Variants in CCNL2 observed in about 807,000 individuals in gnomAD.
CCNL2 encodes cyclin-L2.
CCNL2 carries 28 observed loss-of-function variants against 59.1 expected under a neutral mutation model. The ratio of observed to expected loss-of-function variants is 0.47; its 90% CI spans 0.35 to 0.65. The LOEUF (loss-of-function observed/expected upper bound fraction) is 0.65. Among genes scored for constraint, CCNL2 ranks in the 30% least tolerant of loss-of-function variants. CCNL2 has a pLI of 0.00. For missense variants in CCNL2, 714 were observed against 717.4 expected (o/e 1.00, Z 0.05); for synonymous variants, 342 against 288.6 (o/e 1.19, Z -1.88).
At chr1:1,394,627 G>A (rs1468494754) in intron 4 of CCNL2, among the ~76,000 whole-genome samples, 1 of 151,986 alleles carries the variant, frequency 6.6e-6, no homozygotes, top group African/African-American at 2.4e-5. Flanking sequence ...GCGCATGCCT[G>A]TAATCCCAGC....
intron 1 of CCNL2, 32 bp downstream of exon 1, chr1:1,398,987 C>G: frequency 6.4e-7 from 1 of 1,567,726 alleles, no homozygotes; most frequent in Non-Finnish European, 8.6e-7. Flanking sequence ...CCAGCGGTTA[C>G]CTGGGCCGGA....
intron 3 of CCNL2, among the ~76,000 whole-genome samples, chr1:1,395,748 T>C (rs532506273): frequency 6.6e-6 from 1 of 152,302 alleles, no homozygotes; most frequent in African/African-American, 2.4e-5. Flanking sequence ...CAACAGCTTC[T>C]GGTGCACAAG....
chr1:1,388,142 A>G (rs1644560614), intron 8 of CCNL2, 77 bp from the exon 9 acceptor site: 3 of 1,198,078 alleles, frequency 2.5e-6, no homozygotes, highest in African/African-American at 1.5e-5. Flanking sequence ...GAGCGAGATA[A>G]GGCCCCTCTA....
Position 1,390,719 on chromosome 1 carries a change from G to T in CCNL2, c.759+47C>A, listed in dbSNP as rs1644719384. On this transcript the variant is annotated intron_variant, in intron 6 of 10. Transcript: ENST00000400809. The stretch of plus-strand genomic sequence containing the variant: ...ACAGTAAAGTTTACTGGAGGCTGGA[G>T]AAAAAAAAATCAGACTAGAATCTCT... The T allele has an allele frequency of 3.9e-6, 6 of 1,549,280 alleles. No homozygotes were observed. The East Asian group carries it at 1.4e-4, about 35-fold the overall frequency.
intron 2 of CCNL2, 81 bp downstream of exon 2, chr1:1,398,516 C>A: frequency 6.3e-7 from 1 of 1,578,442 alleles, no homozygotes; most frequent in Middle Eastern, 1.7e-4. Context: ...AGTACTCACT[C>A]CCTTAGTAAC....
In CCNL2 at chr1:1,390,746, C is replaced by A; in HGVS notation, c.759+20G>T. Reference sequence around the variant, plus strand: ...AAAAAAAATCAGACTAGAATCTCTCCATAGTAGCAACACACTGACCTCCAG... The same window carrying A: ...AAAAAAAATCAGACTAGAATCTCTCAATAGTAGCAACACACTGACCTCCAG... On this transcript the variant is annotated intron_variant, in intron 6 of 10. Coordinates refer to ENST00000400809, the MANE Select transcript of CCNL2 (RefSeq NM_030937.6). 2 of 1,606,702 alleles carry A rather than the reference C, an allele frequency of 1.2e-6. No individual in the cohort carries two copies. Among genetic ancestry groups the A allele is most frequent in the Non-Finnish European group, 1.7e-6 (2 of 1,173,334 alleles).
chr1:1,390,204 G>C, intron 8 of CCNL2, 26 bp downstream of exon 8: 1 of 1,581,536 alleles, frequency 6.3e-7, no homozygotes, highest in Non-Finnish European at 8.6e-7. Flanking sequence ...TGTGGGGAGT[G>C]GATTCCTGCA....
chr1:1,388,720 C>T (rs889642871), intron 8 of CCNL2: 6 of 399,878 alleles, frequency 1.5e-5, no homozygotes, highest in Non-Finnish European at 2.9e-5. Flanking sequence ...GCAGTGATCC[C>T]AGATAGCGCC....
Position 1,390,843 on chromosome 1 carries a change from G to A in CCNL2, c.682C>T (p.Arg228Cys). 1 of 1,614,094 alleles carries A rather than the reference G, an allele frequency of 6.2e-7. No homozygotes were observed. Among genetic ancestry groups the A allele is most frequent in the Non-Finnish European group, 8.5e-7 (1 of 1,179,984 alleles). Reference protein sequence around the residue: ...TSWNYMNDSLRTDVFVRFQPE... With the variant: ...TSWNYMNDSLCTDVFVRFQPE... Reference sequence around the variant, plus strand: ...TGGAACCGCACGAAGACGTCGGTGCGAAGGCTGTCGTTCATGTAATTCCTG... The same window carrying A: ...TGGAACCGCACGAAGACGTCGGTGCAAAGGCTGTCGTTCATGTAATTCCTG... The change falls in exon 6 of 11, where the codon CGC (arginine) becomes TGC (cysteine). Residue 228 changes from arginine to cysteine, a missense_variant. Physicochemically the swap from Arg to Cys is radical, Grantham distance 180 (BLOSUM62 -3). This residue lies in a region of CCNL2 where 19 missense variants were observed against 40.8 expected (regional missense o/e 0.47). Coordinates refer to ENST00000400809, the MANE Select transcript of CCNL2 (RefSeq NM_030937.6).
chr1:1,389,822 G>A (rs1374231844), intron 8 of CCNL2, among the ~76,000 whole-genome samples: 1 of 152,028 alleles, frequency 6.6e-6, no homozygotes, highest in Non-Finnish European at 1.5e-5. Flanking sequence ...AGCCAGGCGT[G>A]GTGGCGGCCA....
chr1:1,397,624 G>A (rs1262478288), intron 3 of CCNL2, among the ~76,000 whole-genome samples: 1 of 152,194 alleles, frequency 6.6e-6, no homozygotes, highest in Non-Finnish European at 1.5e-5. Context: ...TGCTTTGGGA[G>A]GCTAAGGCCA....
Position 1,385,919 on chromosome 1 carries a change from A to AC in CCNL2, c.*1311_*1312insG, listed in dbSNP as rs1644439501. 4 of 151,594 alleles carry AC rather than the reference A, an allele frequency of 2.6e-5. No homozygotes were observed. Among genetic ancestry groups the AC allele is most frequent in the Admixed American group, 2.6e-4 (4 of 15,218 alleles). 9.4% of individuals were successfully genotyped at this position (151,594 alleles called of 1,614,324 possible). The stretch of plus-strand genomic sequence containing the variant: ...GAGTCTCCTCAGTTCCCCAATTCTG[A>AC]GGGGGGGTCCCACCAGCTATCTAAT... On this transcript the variant is annotated 3_prime_UTR_variant, in exon 11 of 11. Coordinates refer to ENST00000400809, the MANE Select transcript of CCNL2 (RefSeq NM_030937.6).
At chr1:1,394,692 G>A (rs1469195055) in intron 4 of CCNL2, among the ~76,000 whole-genome samples, 1 of 147,564 alleles carries the variant, frequency 6.8e-6, no homozygotes, top group Admixed American at 6.8e-5. Context: ...AGAGGTTGCA[G>A]TGAGCCAAGA....
At chr1:1,398,949 C>T in intron 1 of CCNL2, 70 bp downstream of exon 1, 1 of 1,486,618 alleles carries the variant, frequency 6.7e-7, no homozygotes, top group Non-Finnish European at 8.9e-7. Flanking sequence ...GCGGGCCCGA[C>T]TCGCCGCCAA....
At chr1:1,392,372 CAG>C in intron 5 of CCNL2, 1 of 1,058,800 alleles carries the variant, frequency 9.4e-7, no homozygotes, top group Non-Finnish European at 1.1e-6. Flanking sequence ...CACCTTTTAC[CAG>C]AGCGTGTCAT....
At position 1,390,467 on chromosome 1, in the gene CCNL2, G is replaced by A. The variant is rs147904547; in HGVS notation, c.856C>T (p.Arg286Trp). Residue 286 changes from arginine to tryptophan, a missense_variant, in exon 7 of 11, where the codon CGG becomes TGG. Transcript: ENST00000400809. ...AAAAAATGCCGAAGAACCTTTTTCC[G>A]AGCATAAAGCTGCAAGATCTTTAAG... Reference protein sequence around the residue: ...ICLKILQLYARKKVDLTHLEG... With the variant: ...ICLKILQLYAWKKVDLTHLEG... 13 of 1,612,678 alleles carry A rather than the reference G, an allele frequency of 8.1e-6. No homozygotes were observed. Among genetic ancestry groups the A allele is most frequent in the South Asian group, 4.4e-5 (4 of 90,724 alleles).
intron 8 of CCNL2, 47 bp downstream of exon 8, chr1:1,390,183 G>T: frequency 6.4e-7 from 1 of 1,553,106 alleles, no homozygotes; most frequent in Non-Finnish European, 8.7e-7. Context: ...AGAGTCACCA[G>T]TCTTTGCCTT....
rs1644451148 is a variant in CCNL2, at chr1:1,386,216, C to T, written c.*1015G>A. ...AGATGTCATGGGTTACAAACCAGTC[C>T]CCCTCAGGAACGAGAGCACCTTGGA... On this transcript the variant is annotated 3_prime_UTR_variant, in exon 11 of 11. Coordinates refer to ENST00000400809, the MANE Select transcript of CCNL2 (RefSeq NM_030937.6). 6.6e-6 allele frequency: 1 copy of T among 152,264 alleles called. No homozygotes were observed. 9.4% of individuals were successfully genotyped at this position (152,264 alleles called of 1,614,324 possible).
rs759826135 is a variant in CCNL2 at position 1,387,271 on chromosome 1, T to G, written c.1523A>C (p.Tyr508Ser). The change falls in exon 11 of 11, where the codon TAT becomes TCT. Residue 508 changes from tyrosine to serine, a missense_variant. By Grantham distance (144) the Tyr-to-Ser change is moderately radical. Transcript: ENST00000400809. ...GCTGTGCCCAGGGTGGTCCCGCTCA[T>G]AGCGACGGCCTGTGCGTTCATACGA... is the stretch of plus-strand genomic sequence containing the variant. ...SRSYERTGRR[Y>S]ERDHPGHSRH... The G allele has an allele frequency of 8.3e-5, 133 of 1,611,576 alleles. 2 individuals carry two copies. In the East Asian group the frequency reaches 3.0e-3, roughly 36 times the overall value.
Sources: allele counts gnomAD v4.1 joint callset (sites outside exome capture counted in the v4.1 genomes callset), GRCh38; gene constraint gnomAD v4.1.1; regional missense constraint gnomAD v4.1.1; transcripts MANE v1.5; gene names NCBI Gene and HGNC (gene_info 2026-07-23, HGNC 2026-07-21).